DNAJC6: variants seen among roughly 807,000 people sequenced by gnomAD.
DNAJC6 encodes the protein DnaJ heat shock protein family (Hsp40) member C6, also known as auxilin.
A neutral mutation model predicts 110.0 loss-of-function variants in DNAJC6; 34 were observed. The ratio of observed to expected loss-of-function variants is 0.31; its 90% CI spans 0.24 to 0.41. DNAJC6 has a LOEUF of 0.41. DNAJC6 is among the 10% of genes least tolerant of loss of function. The probability of loss-of-function intolerance (pLI) is 1.00; values close to 1 mark genes in which losing one functional copy is unlikely to be tolerated. For missense variants in DNAJC6, 1,031 were observed against 1,207.8 expected, an observed-to-expected ratio of 0.85 and a Z score of 2.17; for synonymous variants, 406 against 437.2, an observed-to-expected ratio of 0.93 and a Z score of 0.89.
At chr1:65,332,966 T>A (rs1208589627) in intron 1 of DNAJC6, among the ~76,000 whole-genome samples, 1 of 152,202 alleles carries the variant, frequency 6.6e-6, no homozygotes, top group Non-Finnish European at 1.5e-5. Flanking sequence ...GGAGTTGAGT[T>A]GCTCTGAGAA....
intron 7 of DNAJC6, 110 bp downstream of exon 7, chr1:65,386,016 C>A: frequency 9.1e-7 from 1 of 1,099,304 alleles, no homozygotes. Flanking sequence ...TGTGAAATAG[C>A]TGATATATAA....
Position 65,389,594 on chromosome 1 carries a change from CAA to C in DNAJC6, c.1437_1438del (p.Ser480TrpfsTer19), listed in dbSNP as rs774297201. On this transcript the variant is annotated frameshift_variant, in exon 11 of 19. Transcript: ENST00000371069. LOFTEE classifies it high-confidence loss of function. ...IPPDNPRHYG[Q>X]SGFFASLCWQ... ...TCCAGACAACCCCAGGCATTACGGA[CAA>C]AGTGGTTTCTTTGCCTCTCTCTGTT... 3 of 1,614,166 alleles carry C rather than the reference CAA, an allele frequency of 1.9e-6. No homozygotes were observed. Among genetic ancestry groups the C allele is most frequent in the Non-Finnish European group, 2.5e-6 (3 of 1,180,024 alleles).
chr1:65,330,675 G>A (rs1645280408), intron 1 of DNAJC6, among the ~76,000 whole-genome samples: 1 of 152,130 alleles, frequency 6.6e-6, no homozygotes, highest in South Asian at 2.1e-4. Context: ...CACCGTGTTA[G>A]CCAGGATGGT....
Position 65,384,216 on chromosome 1 carries a change from T to G in DNAJC6, c.690T>G (p.Ile230Met). ...HCLDGRAASS[I>M]LVGAMFIFCN... ...AGGATGGACGGGCGGCATCATCAAT[T>G]CTGGTTGGTGCTATGTTCATTTTCT... The change falls in exon 6 of 19, where the codon ATT (isoleucine) becomes ATG (methionine). Residue 230 changes from isoleucine to methionine, a missense_variant. Ile to Met is a conservative substitution (Grantham distance 10). Transcript: ENST00000371069. 1 of 1,554,346 alleles carries G rather than the reference T, an allele frequency of 6.4e-7. No homozygotes were observed. The highest frequency in any genetic ancestry group is 8.7e-7 in the Non-Finnish European group (1 of 1,153,648).
chr1:65,397,640 C>T (rs1401846934), intron 13 of DNAJC6, among the ~76,000 whole-genome samples: 1 of 152,110 alleles, frequency 6.6e-6, no homozygotes, highest in African/African-American at 2.4e-5. Flanking sequence ...CTGATACCTA[C>T]TTCTGCGTCT....
rs1646159855 is a variant in DNAJC6, at chr1:65,415,196, A to G, written c.*2171A>G. Reference sequence around the variant, plus strand: ...TGTTTCATCATATTTATTGTAATATATTTTTTGTTTTGTAAATATGTTACA... The same window carrying G: ...TGTTTCATCATATTTATTGTAATATGTTTTTTGTTTTGTAAATATGTTACA... On this transcript the variant is annotated 3_prime_UTR_variant, in exon 19 of 19. Transcript: ENST00000371069. 1 of 152,190 alleles carries G rather than the reference A, an allele frequency of 6.6e-6. No individual in the cohort carries two copies. The highest frequency in any genetic ancestry group is 6.5e-5 in the Admixed American group (1 of 15,276). 9.4% of individuals were successfully genotyped at this position (152,190 alleles called of 1,614,324 possible).
intron 18 of DNAJC6, 72 bp from the exon 19 acceptor site, chr1:65,412,852 G>T: frequency 8.2e-7 from 1 of 1,222,336 alleles, no homozygotes; most frequent in South Asian, 1.3e-5. Context: ...CCCATATATT[G>T]GCAGTGAAAA....
chr1:65,381,758 C>A (rs943803746), intron 5 of DNAJC6, among the ~76,000 whole-genome samples: 2 of 152,006 alleles, frequency 1.3e-5, no homozygotes, highest in African/African-American at 4.8e-5. Context: ...GGAATAAGAA[C>A]AACAACAATT....
intron 1 of DNAJC6, among the ~76,000 whole-genome samples, chr1:65,336,426 C>T (rs1645337603): frequency 6.6e-6 from 1 of 152,122 alleles, no homozygotes; most frequent in African/African-American, 2.4e-5. Context: ...ACCATGTCAA[C>T]ATTGTACATG....
In DNAJC6 at chr1:65,389,521, T is replaced by A. The variant is rs764787385; in HGVS notation, c.1388-26T>A. The A allele has an allele frequency of 4.3e-6, 7 of 1,614,024 alleles. No homozygotes were observed. In the South Asian group the frequency reaches 7.7e-5, roughly 18 times the overall value. On this transcript the variant is annotated intron_variant, in intron 10 of 18. Transcript: ENST00000371069. ...TTATTTATTTCCTGTGTCTCATTGA[T>A]GCTACATGGTCTTTTTGTCTTGCAG...
intron 1 of DNAJC6, among the ~76,000 whole-genome samples, chr1:65,302,160 ATATAT>A (rs545775502): frequency 7.0e-5 from 10 of 142,206 alleles, no homozygotes; most frequent in East Asian, 5.9e-4. Context: ...TATATTTATT[ATATAT>A]TATATTATAC....
At chr1:65,408,617 T>C (rs554741513) in intron 16 of DNAJC6, 24 bp from the exon 17 acceptor site, 1 of 1,599,030 alleles carries the variant, frequency 6.3e-7, no homozygotes, top group Non-Finnish European at 8.5e-7. Flanking sequence ...AAAACTGTAA[T>C]GATTTTCAAA....
At chr1:65,289,532 T>A (rs1654130179) in intron 1 of DNAJC6, among the ~76,000 whole-genome samples, 1 of 152,194 alleles carries the variant, frequency 6.6e-6, no homozygotes, top group African/African-American at 2.4e-5. Flanking sequence ...AGTGTATCTG[T>A]CACTGTGGTT....
chr1:65,316,963 A>G (rs1266931408), intron 1 of DNAJC6, among the ~76,000 whole-genome samples: 1 of 152,054 alleles, frequency 6.6e-6, no homozygotes, highest in African/African-American at 2.4e-5. Flanking sequence ...CTCAAAATGT[A>G]TACAATTTTT....
At chr1:65,377,236 G>A (rs778881540) in intron 4 of DNAJC6, among the ~76,000 whole-genome samples, 2 of 152,180 alleles carry the variant, frequency 1.3e-5, no homozygotes, top group Non-Finnish European at 2.9e-5. Flanking sequence ...AGATGAATTG[G>A]AGTTTACCAA....
At chr1:65,355,657 A>G (rs1645536083) in intron 1 of DNAJC6, among the ~76,000 whole-genome samples, 1 of 152,204 alleles carries the variant, frequency 6.6e-6, no homozygotes, top group Admixed American at 6.5e-5. Flanking sequence ...ATAGCTCACA[A>G]TAAGTCCTCC....
upstream of DNAJC6, among the ~76,000 whole-genome samples, chr1:65,306,739 G>A (rs1395355258): frequency 6.6e-6 from 1 of 152,104 alleles, no homozygotes; most frequent in South Asian, 2.1e-4. Flanking sequence ...GGCTGTAAAT[G>A]TTCACCTTGT....
At chr1:65,300,874 G>A (rs568760362) in intron 1 of DNAJC6, among the ~76,000 whole-genome samples, 1 of 152,234 alleles carries the variant, frequency 6.6e-6, no homozygotes, top group East Asian at 1.9e-4. Context: ...CCATCTTAGA[G>A]GATTTGCCCC....
Position 65,394,960 on chromosome 1 carries a change from T to C in DNAJC6, c.1966T>C (p.Phe656Leu). Reference protein sequence around the residue: ...KPSGQDLLGSFLNTSSASSDP... With the variant: ...KPSGQDLLGSLLNTSSASSDP... ...ATCAGGTCAGGATTTGCTGGGTTCT[T>C]TTCTGAACACATCCAGTGCTTCCAG... Residue 656 changes from phenylalanine (F) to leucine (L), a missense_variant, in exon 13 of 19, where the codon TTT becomes CTT. Physicochemically the swap from Phe to Leu is conservative, Grantham distance 22. Coordinates refer to ENST00000371069, the MANE Select transcript of DNAJC6 (RefSeq NM_001256864.2). 1.2e-6 allele frequency: 2 copies of C among 1,612,892 alleles called. No homozygotes were observed. The highest frequency in any genetic ancestry group is 1.7e-6 in the Non-Finnish European group (2 of 1,179,602).
Sources: allele counts gnomAD v4.1 joint callset (sites outside exome capture counted in the v4.1 genomes callset), GRCh38; gene constraint gnomAD v4.1.1; transcripts MANE v1.5; gene names NCBI Gene and HGNC (gene_info 2026-07-23, HGNC 2026-07-21).